PCDH15: variants seen among roughly 807,000 people sequenced by gnomAD.
PCDH15 encodes the protein protocadherin related 15.
A neutral mutation model predicts 178.5 loss-of-function variants in PCDH15; 129 were observed. The observed-to-expected ratio is 0.72, with a 90% confidence interval of 0.63 to 0.84. The LOEUF (loss-of-function observed/expected upper bound fraction) is 0.84. PCDH15 is among the 40% of genes least tolerant of loss of function. PCDH15 has a pLI of 0.00. For missense variants in PCDH15, 2,230 were observed against 2,099.9 expected (o/e 1.06, Z -1.21); for synonymous variants, 800 against 732.0 (o/e 1.09, Z -1.50).
At chr10:55,240,402 A>G (rs1164009207) in intron 1 of PCDH15, among the ~76,000 whole-genome samples, 1 of 152,186 alleles carries the variant, frequency 6.6e-6, no homozygotes, top group Non-Finnish European at 1.5e-5. Context: ...TGTCCATTTA[A>G]AAAACCAACA....
intron 3 of PCDH15, among the ~76,000 whole-genome samples, chr10:54,811,568 A>G (rs1236784291): frequency 6.6e-6 from 1 of 151,982 alleles, no homozygotes; most frequent in East Asian, 1.9e-4. Context: ...CCTCCCTAGT[A>G]CAAGCGATTC....
chr10:54,160,591 A>G (rs1387610684), intron 13 of PCDH15, among the ~76,000 whole-genome samples: 1 of 152,162 alleles, frequency 6.6e-6, no homozygotes, highest in Non-Finnish European at 1.5e-5. Context: ...TTCTCTACCA[A>G]AAACATAAGA....
At chr10:54,879,760 G>A (rs1954226101) in intron 3 of PCDH15, among the ~76,000 whole-genome samples, 1 of 151,454 alleles carries the variant, frequency 6.6e-6, no homozygotes, top group Non-Finnish European at 1.5e-5. Context: ...TAACCAACAT[G>A]AAAACTAACA....
chr10:55,368,801 C>A (rs1287647469), intron 2 of PCDH15, among the ~76,000 whole-genome samples: 1 of 152,006 alleles, frequency 6.6e-6, no homozygotes, highest in Non-Finnish European at 1.5e-5. Context: ...CTGTAGCTCA[C>A]TGAATGCTTT....
At chr10:55,308,527 C>G (rs1331017385) in intron 1 of PCDH15, among the ~76,000 whole-genome samples, 1 of 152,148 alleles carries the variant, frequency 6.6e-6, no homozygotes, top group Non-Finnish European at 1.5e-5. Context: ...CACATTCTAT[C>G]TGAAATCATT....
chr10:53,822,750 T>A, intron 32 of PCDH15: 2 of 1,613,858 alleles, frequency 1.2e-6, no homozygotes, highest in Non-Finnish European at 1.7e-6. Flanking sequence ...AAATGAAGAG[T>A]CTGAAGAGAG....
chr10:54,746,530 T>A (rs994742997), intron 1 of PCDH15, among the ~76,000 whole-genome samples: 1 of 152,178 alleles, frequency 6.6e-6, no homozygotes, highest in African/African-American at 2.4e-5. Flanking sequence ...CCATTTACCC[T>A]GATGTGATTA....
At chr10:55,179,326 G>A (rs568407309) in intron 1 of PCDH15, among the ~76,000 whole-genome samples, 4 of 152,118 alleles carry the variant, frequency 2.6e-5, no homozygotes, top group South Asian at 4.1e-4. Flanking sequence ...GGATACAGAC[G>A]AATTCCTAGG....
chr10:54,333,521 G>A (rs1940323156), intron 6 of PCDH15, among the ~76,000 whole-genome samples: 2 of 148,602 alleles, frequency 1.3e-5, no homozygotes, highest in Non-Finnish European at 1.5e-5. Flanking sequence ...CTAAGTAAAA[G>A]TCTTGCTTTA....
At chr10:55,285,320 A>C (rs1842839114) in intron 1 of PCDH15, among the ~76,000 whole-genome samples, 4 of 151,200 alleles carry the variant, frequency 2.6e-5, no homozygotes, top group Non-Finnish European at 1.5e-5. Flanking sequence ...TATGAACCAC[A>C]CATAAAATCA....
intron 2 of PCDH15, among the ~76,000 whole-genome samples, chr10:54,537,382 T>C (rs970074048): frequency 6.6e-6 from 1 of 152,110 alleles, no homozygotes; most frequent in Non-Finnish European, 1.5e-5. Flanking sequence ...GAAACTACTC[T>C]AAAATATCAA....
Position 54,317,297 on chromosome 10 carries a change from C to T in PCDH15, c.850G>A (p.Ala284Thr), listed in dbSNP as rs748459627. The change falls in exon 8 of 38, where the codon GCT becomes ACT. Residue 284 changes from alanine (A) to threonine (T), a missense_variant. By Grantham distance (58) the Ala-to-Thr change is moderately conservative. Coordinates refer to ENST00000644397, the MANE Select transcript of PCDH15 (RefSeq NM_001384140.1). ...TRDCRPLTYQAAIPELRTPEE... is the reference protein window; with the variant it reads ...TRDCRPLTYQTAIPELRTPEE... Reference sequence around the variant, plus strand: ...GGAGTTCTCAACTCAGGTATGGCAGCTTGATAAGTGAGTGGACGGCAATCA... The same window carrying T: ...GGAGTTCTCAACTCAGGTATGGCAGTTTGATAAGTGAGTGGACGGCAATCA... 1 of 1,613,748 alleles carries T rather than the reference C, an allele frequency of 6.2e-7. No individual in the cohort carries two copies. The highest frequency in any genetic ancestry group is 1.7e-5 in the Admixed American group (1 of 59,978).
chr10:55,605,607 A>T (rs1232523215), intron 2 of PCDH15, among the ~76,000 whole-genome samples: 1 of 149,108 alleles, frequency 6.7e-6, no homozygotes, highest in East Asian at 2.0e-4. Context: ...CAAATCAATA[A>T]ATGTAATCCA....
intron 3 of PCDH15, among the ~76,000 whole-genome samples, chr10:54,506,090 A>T (rs1336541597): frequency 6.6e-6 from 1 of 152,132 alleles, no homozygotes. Context: ...CACAGTATCT[A>T]CTGTATCAAA....
intron 3 of PCDH15, among the ~76,000 whole-genome samples, chr10:54,457,279 T>C (rs929543930): frequency 6.6e-6 from 1 of 152,164 alleles, no homozygotes; most frequent in Non-Finnish European, 1.5e-5. Context: ...TCCTCAAAAA[T>C]GTATGCACTA....
chr10:54,020,458 A>G (rs2092882518), intron 19 of PCDH15, 42 bp from the exon 20 acceptor site: 1 of 1,571,684 alleles, frequency 6.4e-7, no homozygotes, highest in African/African-American at 1.3e-5. Context: ...GACGTTACCA[A>G]AATAAAGAAA....
upstream of PCDH15, among the ~76,000 whole-genome samples, chr10:55,321,409 C>T (rs1409005008): frequency 6.6e-6 from 1 of 152,098 alleles, no homozygotes; most frequent in Non-Finnish European, 1.5e-5. Flanking sequence ...AAGCAAGCAA[C>T]TTGAAAAACA....
intron 1 of PCDH15, among the ~76,000 whole-genome samples, chr10:55,211,814 C>T (rs1320760314): frequency 6.6e-6 from 1 of 151,922 alleles, no homozygotes; most frequent in Non-Finnish European, 1.5e-5. Flanking sequence ...TATGTAAAAC[C>T]TAGAAATTCG....
chr10:54,996,130 C>A (rs2131923342), intron 2 of PCDH15, among the ~76,000 whole-genome samples: 1 of 152,282 alleles, frequency 6.6e-6, no homozygotes, highest in Admixed American at 6.5e-5. Flanking sequence ...ATGGCTCAGA[C>A]TGCAGTGGGC....
Sources: gnomAD v4.1 joint callset for allele counts (sites outside exome capture counted in the v4.1 genomes callset) on GRCh38, gnomAD v4.1.1 for gene constraint, MANE v1.5 for transcripts, NCBI Gene and HGNC (gene_info 2026-07-23, HGNC 2026-07-21) for gene names.